The following TMEM171 variants were observed in gnomAD, a reference collection of about 807,000 sequenced individuals.
The protein encoded by TMEM171 is transmembrane protein 171.
TMEM171 carries 16 observed loss-of-function variants against 19.1 expected under a neutral mutation model. The ratio of observed to expected loss-of-function variants is 0.84; its 90% CI spans 0.57 to 1.27. TMEM171 has a LOEUF of 1.27. Ranked by LOEUF, TMEM171 falls within the 50% of genes most tolerant of loss-of-function variation. The pLI, the probability that TMEM171 is intolerant of heterozygous loss-of-function variation, is 0.00. For missense variants in TMEM171, 429 were observed against 412.7 expected (o/e 1.04, Z -0.34); for synonymous variants, 153 against 163.4 (o/e 0.94, Z 0.48).
chr5:73,123,139 G>A lies in TMEM171; in HGVS notation c.-68-167G>A, dbSNP rs140615587. ...CATATTTAGGAGTTTCTGAATGCTA[G>A]TTTATCTGACTCATAAACCAACTCA... On this transcript the variant is annotated intron_variant, in intron 1 of 3. Coordinates refer to ENST00000454765, the MANE Select transcript of TMEM171 (RefSeq NM_173490.8). 2.0e-3 allele frequency among the ~76,000 whole-genome samples: 309 copies of A among 152,296 alleles called. 5 individuals are homozygous for A. The East Asian group carries it at 0.049, about 24-fold the overall frequency.
intron 2 of TMEM171, 91 bp downstream of exon 2, chr5:73,124,104 T>G: frequency 8.8e-7 from 1 of 1,137,886 alleles, no homozygotes; most frequent in South Asian, 1.8e-5. Context: ...CTGGATTCTC[T>G]TTCTCAATTC....
At position 73,131,548 on chromosome 5, in the gene TMEM171, A is replaced by T. The variant is rs768879737; in HGVS notation, c.793A>T (p.Thr265Ser). The change falls in exon 4 of 4, where the codon ACT becomes TCT. Residue 265 changes from threonine to serine, a missense_variant. Thr to Ser is a moderately conservative substitution (Grantham distance 58, BLOSUM62 1). Coordinates refer to ENST00000454765, the MANE Select transcript of TMEM171 (RefSeq NM_173490.8). ...TCTCCTTCTCTTTAGCAGGACCCCA[A>T]CTTCAGAGGGTGCAGCCTCTGAAAG... The part of the protein sequence containing the change: ...YSIFNYGRTP[T>S]SEGAASERDC... 1 of 1,595,874 alleles carries T rather than the reference A, an allele frequency of 6.3e-7. No individual in the cohort carries two copies. The highest frequency in any genetic ancestry group is 8.5e-7 in the Non-Finnish European group (1 of 1,172,604).
chr5:73,131,167 A>C (rs1744344231), intron 3 of TMEM171, among the ~76,000 whole-genome samples: 1 of 152,136 alleles, frequency 6.6e-6, no homozygotes, highest in Non-Finnish European at 1.5e-5. Flanking sequence ...TTCCATATGC[A>C]AAAGTTTGTC....
intron 2 of TMEM171, 116 bp from the exon 3 acceptor site, chr5:73,128,274 C>A: frequency 1.6e-6 from 2 of 1,215,784 alleles, no homozygotes; most frequent in Non-Finnish European, 2.3e-6. Context: ...TTGGAGTTAG[C>A]AGCAGGTGTG....
intron 3 of TMEM171, 123 bp from the exon 4 acceptor site, chr5:73,131,415 A>G: frequency 1.5e-6 from 1 of 648,970 alleles, no homozygotes; most frequent in Non-Finnish European, 2.4e-6. Context: ...GGGAGAAATT[A>G]CTCCTCAGAT....
chr5:73,122,845 T>C (rs1744040907), intron 1 of TMEM171, among the ~76,000 whole-genome samples: 1 of 152,228 alleles, frequency 6.6e-6, no homozygotes, highest in Non-Finnish European at 1.5e-5. Context: ...AAAGCTGCTG[T>C]AGTCTAAAAC....
chr5:73,128,556 A>G (rs372514341), intron 3 of TMEM171, 25 bp downstream of exon 3: 14 of 1,612,804 alleles, frequency 8.7e-6, no homozygotes, highest in African/African-American at 4.0e-5. Context: ...TTGAACTTCA[A>G]GAGAGGCCTG....
In TMEM171 at chr5:73,120,788, G is replaced by A. The variant is rs559257290; in HGVS notation, c.-69+92G>A. The A allele has an allele frequency of 7.2e-6, 7 of 973,410 alleles. No individual in the cohort carries two copies. In the African/African-American group the frequency reaches 1.2e-4, roughly 17 times the overall value. The allele number at this position is 973,410 out of a possible 1,614,324, so 60.3% of individuals were successfully genotyped here. On this transcript the variant is annotated intron_variant, in intron 1 of 3. Coordinates refer to ENST00000454765, the MANE Select transcript of TMEM171 (RefSeq NM_173490.8). ...GCTGGGCGCGGGGAGCCGCGGCAGC[G>A]CGGAGGCGCTGGGTATCCGAGCCCA...
Position 73,123,635 on chromosome 5 carries a change from G to C in TMEM171, c.262G>C (p.Gly88Arg). 1 of 1,614,222 alleles carries C rather than the reference G, an allele frequency of 6.2e-7. No individual in the cohort carries two copies. Among genetic ancestry groups the C allele is most frequent in the Non-Finnish European group, 8.5e-7 (1 of 1,180,032 alleles). ...CCGGGCGCAACTTCAGCTCCGTGCA[G>C]GGCTGCAGAGAGGTCAGCAGATGGA... ...RSRAQLQLRA[G>R]LQRGQQMDPD... Residue 88 changes from glycine (G) to arginine (R), a missense_variant, in exon 2 of 4, where the codon GGG becomes CGG. Gly to Arg is a moderately radical substitution (Grantham distance 125). Coordinates refer to ENST00000454765, the MANE Select transcript of TMEM171 (RefSeq NM_173490.8).
rs1333497648 is a variant in TMEM171 at position 73,128,499 on chromosome 5, C to T, written c.750C>T (p.Asn250=). The T allele has an allele frequency of 6.2e-7, 1 of 1,612,776 alleles. No homozygotes were observed. Residue 250 remains asparagine (N), a synonymous_variant, in exon 3 of 4, where the codon AAC becomes AAT. Transcript: ENST00000454765. ...CTAACAGTCTGCTTCCGAATGAAAA[C>T]CCCCCTTCATATTACAGTATTTTCA... The part of the protein sequence containing the change: ...PGTNSLLPNE[N]PPSYYSIFNY...
chr5:73,123,730 C>G lies in TMEM171; in HGVS notation c.357C>G (p.Phe119Leu). The change falls in exon 2 of 4, where the codon TTC becomes TTG. Residue 119 changes from phenylalanine to leucine, a missense_variant. Phe to Leu is a conservative substitution (Grantham distance 22, BLOSUM62 0). Coordinates refer to ENST00000454765, the MANE Select transcript of TMEM171 (RefSeq NM_173490.8). ...AGTGCCTTATCTTTGGGTTTCTGTT[C>G]TTGACAAGCGGCATGCTCATCAGCG... ...FAQCLIFGFL[F>L]LTSGMLISVL... is the part of the protein sequence containing the mutation. 6.2e-7 allele frequency: 1 copy of G among 1,614,186 alleles called. No individual in the cohort carries two copies.
chr5:73,123,647 G>A lies in TMEM171; in HGVS notation c.274G>A (p.Gly92Ser), dbSNP rs759253255. ...TCAGCTCCGTGCAGGGCTGCAGAGA[G>A]GTCAGCAGATGGACCCCGACCGAGC... ...QLQLRAGLQR[G>S]QQMDPDRAFI... Residue 92 changes from glycine to serine, a missense_variant, in exon 2 of 4, where the codon GGT (glycine) becomes AGT (serine). By Grantham distance (56) the Gly-to-Ser change is moderately conservative. Coordinates refer to ENST00000454765, the MANE Select transcript of TMEM171 (RefSeq NM_173490.8). 4 of 1,614,240 alleles carry A rather than the reference G, an allele frequency of 2.5e-6. No individual in the cohort carries two copies. In the Admixed American group the frequency reaches 6.7e-5, roughly 27 times the overall value.
chr5:73,128,389 G>T lies in TMEM171; in HGVS notation c.641-1G>T. 6.2e-7 allele frequency: 1 copy of T among 1,613,948 alleles called. No individual in the cohort carries two copies. The highest frequency in any genetic ancestry group is 8.5e-7 in the Non-Finnish European group (1 of 1,179,952). On this transcript the variant is annotated splice_acceptor_variant, in intron 2 of 3. Transcript: ENST00000454765. LOFTEE classifies it high-confidence loss of function. ...GTCAACTAAATATTGTTTTGCCTTA[G>T]GTGACTCGGTAATAATATTTCCACC...
chr5:73,123,173 C>A, intron 1 of TMEM171, 133 bp from the exon 2 acceptor site: 1 of 651,512 alleles, frequency 1.5e-6, no homozygotes, highest in Admixed American at 3.2e-5. Flanking sequence ...CATTGTTCTA[C>A]AGCTTATCAG....
In TMEM171 at chr5:73,131,759, C is replaced by T; in HGVS notation, c.*29C>T. On this transcript the variant is annotated 3_prime_UTR_variant, in exon 4 of 4. Coordinates refer to ENST00000454765, the MANE Select transcript of TMEM171 (RefSeq NM_173490.8). ...ATGGACTCTAGTTCAGTTTTATATGCAATGGATCACTATTTTATTTAATTT... is the reference window on the plus strand; with the variant it reads ...ATGGACTCTAGTTCAGTTTTATATGTAATGGATCACTATTTTATTTAATTT... 6.6e-7 allele frequency: 1 copy of T among 1,506,924 alleles called. No homozygotes were observed. The highest frequency in any genetic ancestry group is 8.9e-7 in the Non-Finnish European group (1 of 1,123,708). 93.3% of individuals were successfully genotyped at this position (1,506,924 alleles called of 1,614,324 possible).
chr5:73,129,323 C>A (rs1744270769), intron 3 of TMEM171, among the ~76,000 whole-genome samples: 1 of 152,132 alleles, frequency 6.6e-6, no homozygotes. Context: ...TTGCAGAAAG[C>A]AGCCAATCAG....
intron 3 of TMEM171, among the ~76,000 whole-genome samples, chr5:73,131,072 T>G (rs1414720551): frequency 3.9e-5 from 6 of 152,220 alleles, no homozygotes; most frequent in Non-Finnish European, 8.8e-5. Context: ...TAGATTCCAG[T>G]GCAGGTTGGC....
rs539413812 is a variant in TMEM171, at chr5:73,130,093, G to A, written c.783-1445G>A. Among the ~76,000 whole-genome samples the A allele has an allele frequency of 3.6e-4, 55 of 152,214 alleles. 2 individuals carry two copies. The highest frequency in any genetic ancestry group is 3.3e-3 in the Admixed American group (50 of 15,286). On this transcript the variant is annotated intron_variant, in intron 3 of 3. Transcript: ENST00000454765. Reference sequence around the variant, plus strand: ...AGACGTGAGTGATGAGCTTGGTTTCGGTGGGGAAAGGATGGTGGGCGGCTG... The same window carrying A: ...AGACGTGAGTGATGAGCTTGGTTTCAGTGGGGAAAGGATGGTGGGCGGCTG...
At chr5:73,128,634 T>C (rs1744251033) in intron 3 of TMEM171, 103 bp downstream of exon 3, 1 of 1,439,742 alleles carries the variant, frequency 6.9e-7, no homozygotes, top group Non-Finnish European at 9.5e-7. Flanking sequence ...AGTATCTTTT[T>C]TGCTGATGTT....
Sources: gnomAD v4.1 joint callset for allele counts (sites outside exome capture counted in the v4.1 genomes callset) on GRCh38, gnomAD v4.1.1 for gene constraint, MANE v1.5 for transcripts, NCBI Gene and HGNC (gene_info 2026-07-23, HGNC 2026-07-21) for gene names.